GPR158: variants seen among roughly 807,000 people sequenced by gnomAD.
GPR158 encodes the protein metabotropic glycine receptor.
In GPR158, 30 loss-of-function variants were observed where a neutral mutation model predicts 78.2. The ratio of observed to expected loss-of-function variants is 0.38; its 90% CI spans 0.29 to 0.52. The LOEUF is 0.52. Ranked by LOEUF, GPR158 falls within the 20% of genes least tolerant of loss-of-function variation. The pLI, the probability that GPR158 is intolerant of heterozygous loss-of-function variation, is 0.83. For missense variants in GPR158, 1,463 were observed against 1,523.5 expected, an observed-to-expected ratio of 0.96 and a Z score of 0.66; for synonymous variants, 581 against 591.1, an observed-to-expected ratio of 0.98 and a Z score of 0.25.
chr10:25,595,817 TGGTTG>T (rs1837397358), intron 9 of GPR158, among the ~76,000 whole-genome samples: 1 of 152,226 alleles, frequency 6.6e-6, no homozygotes, highest in South Asian at 2.1e-4. Context: ...ATAGTGATGA[TGGTTG>T]CACAACCTCA....
chr10:25,596,366 G>T (rs570283309), intron 9 of GPR158, among the ~76,000 whole-genome samples: 2 of 152,074 alleles, frequency 1.3e-5, no homozygotes, highest in African/African-American at 4.8e-5. Context: ...GGCTGGAGCA[G>T]GAGGATGGCT....
At chr10:25,455,138 G>A (rs1403857495) in intron 4 of GPR158, among the ~76,000 whole-genome samples, 1 of 152,148 alleles carries the variant, frequency 6.6e-6, no homozygotes, top group Admixed American at 6.5e-5. Context: ...AGAAAAGCAG[G>A]TTGGAAAAAT....
intron 2 of GPR158, among the ~76,000 whole-genome samples, chr10:25,256,325 A>G (rs1288292580): frequency 1.3e-5 from 2 of 152,228 alleles, no homozygotes; most frequent in Admixed American, 6.5e-5. Context: ...ATACCTTATC[A>G]TGCATTCCAC....
intron 4 of GPR158, among the ~76,000 whole-genome samples, chr10:25,448,982 G>T (rs998074144): frequency 4.6e-5 from 7 of 152,114 alleles, no homozygotes; most frequent in Admixed American, 2.0e-4. Context: ...TATTTAATAT[G>T]AAAATATTTT....
chr10:25,206,609 A>G (rs933006054), intron 1 of GPR158, among the ~76,000 whole-genome samples: 1 of 152,146 alleles, frequency 6.6e-6, no homozygotes, highest in Admixed American at 6.5e-5. Context: ...TATATGTTAA[A>G]TATTTTTCCT....
intron 2 of GPR158, among the ~76,000 whole-genome samples, chr10:25,322,870 G>C (rs902357008): frequency 1.4e-4 from 21 of 152,058 alleles, no homozygotes; most frequent in Non-Finnish European, 2.6e-4. Context: ...GTTTTGAGAT[G>C]GAGTCTCGCT....
intron 10 of GPR158, 67 bp from the exon 11 acceptor site, chr10:25,597,705 T>C (rs1318321148): frequency 2.3e-6 from 3 of 1,280,976 alleles, no homozygotes; most frequent in East Asian, 4.8e-5. Flanking sequence ...TCCAATACCA[T>C]GTAGTGATCT....
chr10:25,571,511 G>A (rs1300857083), intron 6 of GPR158, among the ~76,000 whole-genome samples: 1 of 152,162 alleles, frequency 6.6e-6, no homozygotes, highest in Non-Finnish European at 1.5e-5. Flanking sequence ...AAGTGAAGGA[G>A]AGAATAGAAC....
At chr10:25,565,306 T>C (rs1053454528) in intron 6 of GPR158, among the ~76,000 whole-genome samples, 7 of 152,216 alleles carry the variant, frequency 4.6e-5, no homozygotes, top group Non-Finnish European at 1.0e-4. Flanking sequence ...ATAATAGTGA[T>C]AATTGGAGAA....
chr10:25,495,366 C>T (rs971862267), intron 5 of GPR158, among the ~76,000 whole-genome samples: 8 of 128,432 alleles, frequency 6.2e-5, no homozygotes, highest in South Asian at 2.6e-4. Context: ...GATCTTGGCT[C>T]ACTGCAAGCT....
chr10:25,452,097 G>A (rs565760198), intron 4 of GPR158, among the ~76,000 whole-genome samples: 18 of 152,158 alleles, frequency 1.2e-4, no homozygotes, highest in Admixed American at 3.3e-4. Flanking sequence ...AAGTGCAGTG[G>A]TGTGGACATA....
At chr10:25,498,428 T>G (rs1383823856) in intron 5 of GPR158, among the ~76,000 whole-genome samples, 1 of 152,290 alleles carries the variant, frequency 6.6e-6, no homozygotes, top group Non-Finnish European at 1.5e-5. Flanking sequence ...ATCTAAGACC[T>G]TTACAAATTA....
intron 2 of GPR158, among the ~76,000 whole-genome samples, chr10:25,231,621 C>T (rs1466910828): frequency 3.9e-5 from 6 of 152,278 alleles, no homozygotes; most frequent in Admixed American, 2.0e-4. Context: ...TAGACTGCCT[C>T]TCTGTCTGTA....
intron 4 of GPR158, among the ~76,000 whole-genome samples, chr10:25,439,515 C>T (rs1835040533): frequency 6.6e-6 from 1 of 152,122 alleles, no homozygotes; most frequent in South Asian, 2.1e-4. Flanking sequence ...CTGGTTTCTG[C>T]CCCTATCCCC....
intron 4 of GPR158, among the ~76,000 whole-genome samples, chr10:25,421,336 G>A (rs544459271): frequency 6.6e-6 from 1 of 152,246 alleles, no homozygotes; most frequent in South Asian, 2.1e-4. Flanking sequence ...AGCAATTGAT[G>A]TTCCTCCTTC....
intron 2 of GPR158, among the ~76,000 whole-genome samples, chr10:25,250,524 G>A (rs1188280336): frequency 1.1e-3 from 157 of 145,606 alleles, no homozygotes; most frequent in African/African-American, 2.7e-3. Flanking sequence ...CTTTGTTCTC[G>A]TTGGTTTCAA....
intron 2 of GPR158, among the ~76,000 whole-genome samples, chr10:25,247,823 A>G (rs1355093121): frequency 1.3e-5 from 2 of 149,120 alleles, no homozygotes; most frequent in Non-Finnish European, 3.0e-5. Flanking sequence ...TCCTTTGGGT[A>G]TATACCCAGT....
rs185345273 is a variant in GPR158 at position 25,485,056 on chromosome 10, A to G, written c.1404+18337A>G. 4.1e-3 allele frequency among the ~76,000 whole-genome samples: 628 copies of G among 152,210 alleles called. 3 individuals are homozygous for G. The highest frequency in any genetic ancestry group is 7.6e-3 in the Non-Finnish European group (520 of 67,990). ...TGTGGTCTTATAGGTGAACAATCTGACCTAAGAATATGCGAAATACCTAGA... is the reference window on the plus strand; with the variant it reads ...TGTGGTCTTATAGGTGAACAATCTGGCCTAAGAATATGCGAAATACCTAGA... On this transcript the variant is annotated intron_variant, in intron 5 of 10. Transcript: ENST00000376351.
intron 5 of GPR158, among the ~76,000 whole-genome samples, chr10:25,513,800 A>G (rs2130672232): frequency 6.6e-6 from 1 of 152,248 alleles, no homozygotes; most frequent in African/African-American, 2.4e-5. Context: ...GTAGCAGGTT[A>G]TTTAATTTCT....
Sources: allele counts gnomAD v4.1 joint callset (sites outside exome capture counted in the v4.1 genomes callset), GRCh38; gene constraint gnomAD v4.1.1; transcripts MANE v1.5; gene names NCBI Gene and HGNC (gene_info 2026-07-23, HGNC 2026-07-21).